Variants in RBFOX3 observed in about 807,000 individuals in gnomAD.
The protein encoded by RBFOX3 is RNA binding protein fox-1 homolog 3.
In RBFOX3, 17 loss-of-function variants were observed where a neutral mutation model predicts 48.7. The observed-to-expected ratio is 0.35, with a 90% CI of 0.24 to 0.52. The LOEUF (loss-of-function observed/expected upper bound fraction) is 0.52, where lower values mean the gene tolerates loss of function less well. Ranked by LOEUF, RBFOX3 falls within the 20% of genes least tolerant of loss-of-function variation. The pLI is 0.94. For missense variants in RBFOX3, 382 were observed against 497.5 expected, an observed-to-expected ratio of 0.77 and a Z score of 2.21; for synonymous variants, 212 against 209.5, an observed-to-expected ratio of 1.01 and a Z score of -0.10.
chr17:79,624,033 C>T, the RBFOX3 span, among the ~76,000 whole-genome samples: 1 of 152,134 alleles, frequency 6.6e-6, no homozygotes, highest in African/African-American at 2.4e-5. Context: ...TTTGACACTC[C>T]AGAAGGGAAT....
intron 2 of RBFOX3, among the ~76,000 whole-genome samples, chr17:79,347,223 A>G (rs1216294719): frequency 6.6e-6 from 1 of 152,226 alleles, no homozygotes; most frequent in Admixed American, 6.5e-5. Context: ...AAGTCTGTAT[A>G]ATAACTTGCT....
chr17:79,401,845 G>A (rs987158974), intron 2 of RBFOX3, among the ~76,000 whole-genome samples: 11 of 152,214 alleles, frequency 7.2e-5, no homozygotes, highest in Admixed American at 2.0e-4. Context: ...CCAGCCTCCC[G>A]AGGGAGCGCG....
intron 1 of RBFOX3, among the ~76,000 whole-genome samples, chr17:79,550,311 G>A (rs2091008483): frequency 1.3e-5 from 2 of 152,256 alleles, no homozygotes; most frequent in African/African-American, 4.8e-5. Context: ...GGGAGCCAGT[G>A]TATTAACCAG....
intron 1 of RBFOX3, among the ~76,000 whole-genome samples, chr17:79,493,141 G>GT (rs1173688459): frequency 3.9e-5 from 6 of 151,958 alleles, no homozygotes; most frequent in Non-Finnish European, 5.9e-5. Context: ...GGGAGGAGGC[G>GT]TATCACACGG....
intron 6 of RBFOX3, among the ~76,000 whole-genome samples, chr17:79,105,633 G>T (rs1479416616): frequency 1.2e-4 from 18 of 152,212 alleles, no homozygotes. Flanking sequence ...TCAGGGGGTA[G>T]GTGAACGGGG....
chr17:79,620,234 C>G, the RBFOX3 span, among the ~76,000 whole-genome samples: 2 of 150,314 alleles, frequency 1.3e-5, no homozygotes, highest in African/African-American at 5.0e-5. Context: ...TGCACACACG[C>G]ACATGCACAC....
intron 2 of RBFOX3, among the ~76,000 whole-genome samples, chr17:79,342,588 C>T (rs543488227): frequency 1.3e-5 from 2 of 152,330 alleles, no homozygotes; most frequent in East Asian, 3.9e-4. Flanking sequence ...CCTGGGTGTT[C>T]ACAGCCAGTG....
At chr17:79,095,929 G>A (rs56203833) in intron 12 of RBFOX3, among the ~76,000 whole-genome samples, 42,787 of 152,186 alleles carry the variant, frequency 0.28, 6,668 homozygotes, top group African/African-American at 0.41. Flanking sequence ...GCCTTGGCAA[G>A]GAAGAGGTGC....
intron 2 of RBFOX3, among the ~76,000 whole-genome samples, chr17:79,342,956 GAGAGAAAGAGAA>G (rs566464997): frequency 6.6e-6 from 1 of 151,126 alleles, no homozygotes; most frequent in Admixed American, 6.6e-5. Context: ...AGTGGGGGGA[GAGAGAAAGAGAA>G]AGAGAAAGAG....
At chr17:79,514,314 GAC>G (rs1191537405) in intron 1 of RBFOX3, among the ~76,000 whole-genome samples, 1 of 152,076 alleles carries the variant, frequency 6.6e-6, no homozygotes, top group East Asian at 1.9e-4. Context: ...CTGGGTATCC[GAC>G]ACACGGGTAC....
intron 4 of RBFOX3, among the ~76,000 whole-genome samples, chr17:79,152,851 G>A (rs954439759): frequency 2.6e-5 from 4 of 152,216 alleles, no homozygotes; most frequent in African/African-American, 4.8e-5. Flanking sequence ...ACACGGCGCC[G>A]GCCTCCGGGA....
At chr17:79,571,448 C>G (rs2092674740) in intron 1 of RBFOX3, among the ~76,000 whole-genome samples, 1 of 152,238 alleles carries the variant, frequency 6.6e-6, no homozygotes, top group Admixed American at 6.5e-5. Context: ...AGCCCAGAGT[C>G]TTCCTCGAGG....
rs756757815 is a variant in RBFOX3 at position 79,471,966 on chromosome 17, C to A, written c.-175+10488G>T. 6.6e-6 allele frequency among the ~76,000 whole-genome samples: 1 copy of A among 152,224 alleles called. No homozygotes were observed. Among genetic ancestry groups the A allele is most frequent in the Non-Finnish European group, 1.5e-5 (1 of 68,048 alleles). ...ACTATGTGCAGCACTGTGGGAGAAACAAGTTGCAGCCTGTGCCCTTAAGGA... is the reference window on the plus strand; with the variant it reads ...ACTATGTGCAGCACTGTGGGAGAAAAAAGTTGCAGCCTGTGCCCTTAAGGA... On this transcript the variant is annotated intron_variant, in intron 2 of 14. Transcript: ENST00000693108. This position sits in a 1 kb window ranked among gnomAD's most constrained non-coding sequence, Gnocchi z 4.0.
Position 79,391,385 on chromosome 17 carries a change from G to C in RBFOX3, c.-174-83561C>G, listed in dbSNP as rs928271462. On this transcript the variant is annotated intron_variant, in intron 2 of 14. Transcript: ENST00000693108. The surrounding 1 kb of genome is among the most constrained non-coding windows in gnomAD (Gnocchi z 5.0). ...TTCAAGCTTCAGCTCTCCTTCCCAC[G>C]ATTGGTGAACACTCGGGCAGGTTAC... Among the ~76,000 whole-genome samples the C allele has an allele frequency of 2.6e-5, 4 of 152,090 alleles. No individual in the cohort carries two copies. The highest frequency in any genetic ancestry group is 4.8e-5 in the African/African-American group (2 of 41,418).
chr17:79,591,429 G>A (rs1324857846), intron 1 of RBFOX3, among the ~76,000 whole-genome samples: 1 of 152,196 alleles, frequency 6.6e-6, no homozygotes, highest in East Asian at 1.9e-4. Flanking sequence ...CCCCAGCCAG[G>A]CTGCGCCCAT....
intron 2 of RBFOX3, among the ~76,000 whole-genome samples, chr17:79,341,306 T>C (rs1422642208): frequency 6.6e-6 from 1 of 152,224 alleles, no homozygotes; most frequent in Non-Finnish European, 1.5e-5. Flanking sequence ...ATGTCTCATG[T>C]GTGTATGCAT....
intron 3 of RBFOX3, among the ~76,000 whole-genome samples, chr17:79,261,203 T>G (rs948032681): frequency 1.3e-5 from 2 of 152,076 alleles, no homozygotes; most frequent in Non-Finnish European, 2.9e-5. Flanking sequence ...CCTATTGCAA[T>G]GTAAGCACAA....
the RBFOX3 span, among the ~76,000 whole-genome samples, chr17:79,620,508 C>A: frequency 1.3e-5 from 2 of 150,538 alleles, no homozygotes; most frequent in Non-Finnish European, 3.0e-5. Context: ...CACACACATG[C>A]GCATACGTGC....
chr17:79,266,526 G>A (rs1467966600), intron 3 of RBFOX3, among the ~76,000 whole-genome samples: 4 of 152,134 alleles, frequency 2.6e-5, no homozygotes, highest in African/African-American at 7.2e-5. Context: ...TTACTGGGCC[G>A]GGTTCCCAAC....
Sources: allele counts gnomAD v4.1 joint callset (sites outside exome capture counted in the v4.1 genomes callset), GRCh38; gene constraint gnomAD v4.1.1; non-coding constraint Gnocchi (gnomAD v3.1); transcripts MANE v1.5; gene names NCBI Gene and HGNC (gene_info 2026-07-23, HGNC 2026-07-21).